S1PR2: variants seen among roughly 807,000 people sequenced by gnomAD.
S1PR2 encodes the protein sphingosine-1-phosphate receptor 2, also known as sphingosine 1-phosphate receptor 2.
S1PR2 carries 9 observed loss-of-function variants against 16.1 expected under a neutral mutation model. That is an observed-to-expected ratio of 0.56 (90% CI 0.34 to 0.98). The LOEUF is 0.98. Ranked by LOEUF, S1PR2 falls within the 50% of genes least tolerant of loss-of-function variation. The pLI is 0.02. For synonymous variants in S1PR2, 224 were observed against 233.9 expected (o/e 0.96, Z 0.38); for missense variants, 361 against 488.4 (o/e 0.74, Z 2.46).
rs545886602 is a variant in S1PR2 at position 10,221,688 on chromosome 19, C to T, written c.*2156G>A. The T allele has an allele frequency of 2.0e-5, 3 of 152,466 alleles. No homozygotes were observed. The highest frequency in any genetic ancestry group is 4.1e-4 in the South Asian group (2 of 4,824). The allele number at this position is 152,466 out of a possible 1,614,324, so 9.4% of individuals were successfully genotyped here. A position where few individuals can be genotyped will look rare whatever the true frequency, so the allele number is the denominator to read the frequency against. Reference sequence around the variant, plus strand: ...GGGTCTGGGCAGGACCAGAGCTCCCCGACTTTGGCAGCTTCAACACAAACA... The same window carrying T: ...GGGTCTGGGCAGGACCAGAGCTCCCTGACTTTGGCAGCTTCAACACAAACA... On this transcript the variant is annotated 3_prime_UTR_variant, in exon 2 of 2. Transcript: ENST00000646641.
At chr19:10,225,573 T>A (rs78329317) in intron 1 of S1PR2, among the ~76,000 whole-genome samples, 1 of 151,652 alleles carries the variant, frequency 6.6e-6, no homozygotes, top group Non-Finnish European at 1.5e-5. Flanking sequence ...ATTTTTTTTT[T>A]ATTTTTAGTA....
Position 10,223,941 on chromosome 19 carries a change from C to T in S1PR2, c.965G>A (p.Gly322Asp). ...VQGRRRGGTP[G>D]HHLLPLRSSS... is the part of the protein sequence containing the mutation. ...GCTGCGGAGTGGCAGGAGGTGGTGGCCCGGGGTCCCGCCCCGCCTCCGTCC... is the reference window on the plus strand; with the variant it reads ...GCTGCGGAGTGGCAGGAGGTGGTGGTCCGGGGTCCCGCCCCGCCTCCGTCC... The change falls in exon 2 of 2, where the codon GGC becomes GAC. Residue 322 changes from glycine (G) to aspartate (D), a missense_variant. Physicochemically the swap from Gly to Asp is moderately conservative, Grantham distance 94. Coordinates refer to ENST00000646641, the MANE Select transcript of S1PR2 (RefSeq NM_004230.4). 6.2e-7 allele frequency: 1 copy of T among 1,602,340 alleles called. No individual in the cohort carries two copies. Among genetic ancestry groups the T allele is most frequent in the East Asian group, 2.2e-5 (1 of 44,734 alleles).
rs147817898 is a variant in S1PR2, at chr19:10,224,110, T to G, written c.796A>C (p.Ile266Leu). Residue 266 changes from isoleucine (I) to leucine (L), a missense_variant, in exon 2 of 2, where the codon ATC becomes CTC. Coordinates refer to ENST00000646641, the MANE Select transcript of S1PR2 (RefSeq NM_004230.4). Reference protein sequence around the residue: ...DYACPVHSCPILYKAHYFFAV... With the variant: ...DYACPVHSCPLLYKAHYFFAV... The stretch of plus-strand genomic sequence containing the variant: ...AAAAAGTAGTGGGCTTTGTAGAGGA[T>G]CGGGCAGGAGTGGACGGGACAGGCA... The G allele has an allele frequency of 6.2e-7, 1 of 1,604,860 alleles. No homozygotes were observed. The highest frequency in any genetic ancestry group is 8.5e-7 in the Non-Finnish European group (1 of 1,179,954).
intron 1 of S1PR2, among the ~76,000 whole-genome samples, chr19:10,225,672 AC>A (rs1424457720): frequency 6.6e-6 from 1 of 151,630 alleles, no homozygotes; most frequent in South Asian, 2.1e-4. Context: ...CGCTGGGATT[AC>A]CAGTGTGAGC....
intron 1 of S1PR2, among the ~76,000 whole-genome samples, 162 bp from the exon 2 acceptor site, chr19:10,225,109 A>G (rs1192018688): frequency 6.6e-6 from 1 of 152,194 alleles, no homozygotes; most frequent in Non-Finnish European, 1.5e-5. Flanking sequence ...ACAGACGGGA[A>G]ACCCAGAGAG....
In S1PR2 at chr19:10,224,323, C is replaced by T; in HGVS notation, c.583G>A (p.Val195Met). The T allele has an allele frequency of 6.2e-7, 1 of 1,614,148 alleles. No individual in the cohort carries two copies. Among genetic ancestry groups the T allele is most frequent in the Middle Eastern group, 1.6e-4 (1 of 6,062 alleles). The change falls in exon 2 of 2, where the codon GTG becomes ATG. Residue 195 changes from valine to methionine, a missense_variant. Coordinates refer to ENST00000646641, the MANE Select transcript of S1PR2 (RefSeq NM_004230.4). ...AACAGGATGATGGAGAAGATGGTCA[C>T]CACGCACAGCACATAATGCTTGGCG... The part of the protein sequence containing the change: ...LYAKHYVLCV[V>M]TIFSIILLAI...
In S1PR2 at chr19:10,224,686, T is replaced by C; in HGVS notation, c.220A>G (p.Asn74Asp). 1 of 1,614,202 alleles carries C rather than the reference T, an allele frequency of 6.2e-7. No homozygotes were observed. Among genetic ancestry groups the C allele is most frequent in the Non-Finnish European group, 8.5e-7 (1 of 1,180,046 alleles). The change falls in exon 2 of 2, where the codon AAC becomes GAC. Residue 74 changes from asparagine to aspartate, a missense_variant. Coordinates refer to ENST00000646641, the MANE Select transcript of S1PR2 (RefSeq NM_004230.4). ...FHSAMYLFLG[N>D]LAASDLLAGV... ...GCCAGTAGATCGGAGGCGGCCAGGT[T>C]GCCCAGAAACAGGTACATTGCCGAG...
chr19:10,224,082 G>T lies in S1PR2; in HGVS notation c.824C>A (p.Ala275Asp), dbSNP rs1358772714. The T allele has an allele frequency of 6.2e-7, 1 of 1,606,932 alleles. No homozygotes were observed. Among genetic ancestry groups the T allele is most frequent in the Non-Finnish European group, 8.5e-7 (1 of 1,179,988 alleles). Reference sequence around the variant, plus strand: ...GAGCAGGGAATTCAGGGTGGAGACGGCGAAAAAGTAGTGGGCTTTGTAGAG... The same window carrying T: ...GAGCAGGGAATTCAGGGTGGAGACGTCGAAAAAGTAGTGGGCTTTGTAGAG... ...PILYKAHYFF[A>D]VSTLNSLLNP... Residue 275 changes from alanine to aspartate, a missense_variant, in exon 2 of 2, where the codon GCC (alanine) becomes GAC (aspartate). By Grantham distance (126) the Ala-to-Asp change is moderately radical (BLOSUM62 -2). Transcript: ENST00000646641.
intron 1 of S1PR2, among the ~76,000 whole-genome samples, chr19:10,229,746 C>T (rs1279429020): frequency 6.6e-6 from 1 of 152,062 alleles, no homozygotes; most frequent in Non-Finnish European, 1.5e-5. Flanking sequence ...AGGGGACTCC[C>T]CTGACCCCCA....
intron 1 of S1PR2, among the ~76,000 whole-genome samples, chr19:10,229,480 G>A (rs905360208): frequency 6.6e-6 from 1 of 151,946 alleles, no homozygotes; most frequent in Non-Finnish European, 1.5e-5. Flanking sequence ...AGTAGAGATG[G>A]GGTTTCACCA....
intron 1 of S1PR2, among the ~76,000 whole-genome samples, chr19:10,229,598 A>G (rs2039656573): frequency 6.6e-6 from 1 of 151,960 alleles, no homozygotes; most frequent in African/African-American, 2.4e-5. Flanking sequence ...CCTTTCCTCA[A>G]ATCTTTGAAT....
intron 1 of S1PR2, among the ~76,000 whole-genome samples, chr19:10,226,242 C>A (rs1316872155): frequency 3.9e-5 from 6 of 152,226 alleles, no homozygotes; most frequent in African/African-American, 1.4e-4. Flanking sequence ...GCCACGGGTG[C>A]TCCCAAGATA....
rs773940288 is a variant in S1PR2, at chr19:10,223,952, G to C, written c.954C>G (p.Gly318=). The C allele has an allele frequency of 1.9e-6, 3 of 1,603,034 alleles. No homozygotes were observed. In the East Asian group the frequency reaches 6.7e-5, roughly 36 times the overall value. The change falls in exon 2 of 2, where the codon GGC becomes GGG. Residue 318 remains glycine, a synonymous_variant. Coordinates refer to ENST00000646641, the MANE Select transcript of S1PR2 (RefSeq NM_004230.4). Reference sequence around the variant, plus strand: ...GCAGGAGGTGGTGGCCCGGGGTCCCGCCCCGCCTCCGTCCTTGCACCCCCA... The same window carrying C: ...GCAGGAGGTGGTGGCCCGGGGTCCCCCCCCGCCTCCGTCCTTGCACCCCCA... The part of the protein sequence containing the change: ...PGVGVQGRRR[G]GTPGHHLLPL...
rs765252554 is a variant in S1PR2 at position 10,224,846 on chromosome 19, A to G, written c.60T>C (p.Tyr20=). 3 of 1,614,056 alleles carry G rather than the reference A, an allele frequency of 1.9e-6. No individual in the cohort carries two copies. The highest frequency in any genetic ancestry group is 2.5e-6 in the Non-Finnish European group (3 of 1,180,022). ...NPNKVQEHYN[Y]TKETLETQET... is the part of the protein sequence containing the mutation. ...CCTGCGTTTCCAGCGTCTCCTTGGTATAATTATAGTGTTCCTGGACCTTGT... is the reference window on the plus strand; with the variant it reads ...CCTGCGTTTCCAGCGTCTCCTTGGTGTAATTATAGTGTTCCTGGACCTTGT... Residue 20 remains tyrosine, a synonymous_variant, in exon 2 of 2, where the codon TAT becomes TAC. Coordinates refer to ENST00000646641, the MANE Select transcript of S1PR2 (RefSeq NM_004230.4).
chr19:10,223,602 G>C lies in S1PR2; in HGVS notation c.*242C>G, dbSNP rs2039608016. On this transcript the variant is annotated 3_prime_UTR_variant, in exon 2 of 2. Transcript: ENST00000646641. The stretch of plus-strand genomic sequence containing the variant: ...CAGGTCCCCTGCCCTGGCCTCCCCA[G>C]GATCCAGTTCTAAAGGGGTCACACT... 9 of 470,072 alleles carry C rather than the reference G, an allele frequency of 1.9e-5. No homozygotes were observed. The highest frequency in any genetic ancestry group is 3.0e-5 in the Non-Finnish European group (8 of 269,090). The allele number at this position is 470,072 out of a possible 1,614,324, so 29.1% of individuals were successfully genotyped here. A position where few individuals can be genotyped will look rare whatever the true frequency, so the allele number is the denominator to read the frequency against.
chr19:10,225,910 C>T (rs1402934635), intron 1 of S1PR2, among the ~76,000 whole-genome samples: 6 of 152,048 alleles, frequency 3.9e-5, no homozygotes, highest in Non-Finnish European at 8.8e-5. Context: ...GTGGCATGAT[C>T]ATAGCTCACA....
chr19:10,231,050 G>A (rs2145447869), intron 1 of S1PR2, among the ~76,000 whole-genome samples, 154 bp downstream of exon 1: 1 of 152,344 alleles, frequency 6.6e-6, no homozygotes, highest in Admixed American at 6.5e-5. Flanking sequence ...CGGATTCTTG[G>A]AGAGGGCGCA....
At position 10,224,548 on chromosome 19, in the gene S1PR2, CAG is replaced by C. The variant is rs1373374822; in HGVS notation, c.356_357del (p.Ser119CysfsTer10). The stretch of plus-strand genomic sequence containing the variant: ...ATGGCGATGGCCAGGAGGCTGAAGA[CAG>C]AGGCCGAGAGCGTGATGAAGGCAGA... ...EGSAFITLSA[S>X]VFSLLAIAIE... On this transcript the variant is annotated frameshift_variant, in exon 2 of 2. Coordinates refer to ENST00000646641, the MANE Select transcript of S1PR2 (RefSeq NM_004230.4). LOFTEE classifies it high-confidence loss of function. 6.2e-7 allele frequency: 1 copy of C among 1,613,888 alleles called. No individual in the cohort carries two copies. The highest frequency in any genetic ancestry group is 1.7e-5 in the Admixed American group (1 of 60,038).
intron 1 of S1PR2, among the ~76,000 whole-genome samples, chr19:10,230,776 C>G (rs1019952115): frequency 6.6e-6 from 1 of 152,252 alleles, no homozygotes; most frequent in South Asian, 2.1e-4. Flanking sequence ...CGACCGCCCT[C>G]CCCGTGGGTG....
Sources: allele counts gnomAD v4.1 joint callset (sites outside exome capture counted in the v4.1 genomes callset), GRCh38; gene constraint gnomAD v4.1.1; transcripts MANE v1.5; gene names NCBI Gene and HGNC (gene_info 2026-07-23, HGNC 2026-07-21).